CD22: variants seen among roughly 807,000 people sequenced by gnomAD.
The protein encoded by CD22 is CD22 molecule, also known as B-cell receptor CD22.
Under a neutral mutation model 94.7 loss-of-function variants are expected in CD22, and 51 were observed. That is an observed-to-expected ratio of 0.54 (90% CI 0.43 to 0.68). The LOEUF is 0.68. Ranked by LOEUF, CD22 falls within the 30% of genes least tolerant of loss-of-function variation. The pLI, the probability that CD22 is intolerant of heterozygous loss-of-function variation, is 0.00. For missense variants in CD22, 931 were observed against 1,060.4 expected (o/e 0.88, Z 1.69); for synonymous variants, 424 against 422.5 (o/e 1.00, Z -0.04).
chr19:35,335,229 T>C (rs2066703456), intron 3 of CD22, among the ~76,000 whole-genome samples: 1 of 149,122 alleles, frequency 6.7e-6, no homozygotes, highest in African/African-American at 2.4e-5. Context: ...TCAGAGGGGA[T>C]TTCGGGTGAG....
In CD22 at chr19:35,341,952, C is replaced by T. The variant is rs771187502; in HGVS notation, c.2022C>T (p.Thr674=). Residue 674 remains threonine, a synonymous_variant, in exon 9 of 14, where the codon ACC becomes ACT. Coordinates refer to ENST00000085219, the MANE Select transcript of CD22 (RefSeq NM_001771.4). This position sits in a 1 kb window ranked among gnomAD's most constrained non-coding sequence, Gnocchi z 4.0. ...SVGKGRSPLS[T]LTVYYSPETI... is the part of the protein sequence containing the mutation. ...GCAAGGGCCGTTCGCCTCTCAGCAC[C>T]CTCACCGTCTACTGTAAGGCCTCTT... 2 of 1,612,552 alleles carry T rather than the reference C, an allele frequency of 1.2e-6. No individual in the cohort carries two copies. Among genetic ancestry groups the T allele is most frequent in the Admixed American group, 1.7e-5 (1 of 59,908 alleles).
At chr19:35,331,110 A>G (rs778106523) in intron 1 of CD22, 2 of 152,038 alleles carry the variant, frequency 1.3e-5, no homozygotes, top group Non-Finnish European at 2.9e-5. Context: ...TTGAGTAAAG[A>G]TGGGGTTTTG....
In CD22 at chr19:35,337,982, G is replaced by C; in HGVS notation, c.946G>C (p.Gly316Arg). The C allele has an allele frequency of 6.2e-7, 1 of 1,613,866 alleles. No individual in the cohort carries two copies. The highest frequency in any genetic ancestry group is 8.5e-7 in the Non-Finnish European group (1 of 1,179,800). The change falls in exon 5 of 14, where the codon GGC becomes CGC. Residue 316 changes from glycine (G) to arginine (R), a missense_variant. Coordinates refer to ENST00000085219, the MANE Select transcript of CD22 (RefSeq NM_001771.4). This position sits in a 1 kb window ranked among gnomAD's most constrained non-coding sequence, Gnocchi z 4.4. ...CTGCTGTCAGGTCTCCAATGACGTG[G>C]GCCCGGGAAGGTCGGAAGAAGTGTT... ...KYCCQVSNDV[G>R]PGRSEEVFLQ... is the part of the protein sequence containing the mutation.
chr19:35,346,870 C>A lies in CD22; in HGVS notation c.*173C>A, dbSNP rs2145687207. 1 of 688,858 alleles carries A rather than the reference C, an allele frequency of 1.5e-6. No homozygotes were observed. Among genetic ancestry groups the A allele is most frequent in the Non-Finnish European group, 2.3e-6 (1 of 431,088 alleles). 42.7% of individuals were successfully genotyped at this position (688,858 alleles called of 1,614,324 possible). A position where few individuals can be genotyped will look rare whatever the true frequency, so the allele number is the denominator to read the frequency against. On this transcript the variant is annotated 3_prime_UTR_variant, in exon 14 of 14. Transcript: ENST00000085219. ...GGAGAACCTTGTGCCTGGCTCAGAG[C>A]CAGTCTTTTTGGTGAGGGTAACCCC... is the stretch of plus-strand genomic sequence containing the variant.
rs764788428 is a variant in CD22, at chr19:35,341,325, G to C, written c.1508-18G>C. 6.2e-7 allele frequency: 1 copy of C among 1,612,046 alleles called. No homozygotes were observed. Among genetic ancestry groups the C allele is most frequent in the Non-Finnish European group, 8.5e-7 (1 of 1,178,656 alleles). On this transcript the variant is annotated intron_variant, in intron 7 of 13. Coordinates refer to ENST00000085219, the MANE Select transcript of CD22 (RefSeq NM_001771.4). The surrounding 1 kb of genome is among the most constrained non-coding windows in gnomAD (Gnocchi z 4.0). ...GGACAGGGAGCGGAGAGGTCAGCTTGGGACCCTTGCCCTCCAGATGCCCCC... is the reference window on the plus strand; with the variant it reads ...GGACAGGGAGCGGAGAGGTCAGCTTCGGACCCTTGCCCTCCAGATGCCCCC...
intron 2 of CD22, 61 bp from the exon 3 acceptor site, chr19:35,332,486 A>G (rs968239567): frequency 3.4e-6 from 5 of 1,452,168 alleles, no homozygotes; most frequent in Non-Finnish European, 4.6e-6. Flanking sequence ...AAAATAAAAA[A>G]TAACTTTTAA....
rs779822866 is a variant in CD22 at position 35,336,262 on chromosome 19, T to C, written c.639T>C (p.His213=). Residue 213 remains histidine (H), a synonymous_variant, in exon 4 of 14, where the codon CAT becomes CAC. Transcript: ENST00000085219. The part of the protein sequence containing the change: ...ELKFSPQWSH[H]GKIVTCQLQD... ...AGTTCTCCCCACAGTGGAGTCACCA[T>C]GGGAAGATTGTGACCTGCCAGCTTC... 1 of 1,614,208 alleles carries C rather than the reference T, an allele frequency of 6.2e-7. No individual in the cohort carries two copies. The highest frequency in any genetic ancestry group is 8.5e-7 in the Non-Finnish European group (1 of 1,180,026).
chr19:35,331,804 A>G, intron 1 of CD22: 1 of 888,288 alleles, frequency 1.1e-6, no homozygotes, highest in Non-Finnish European at 1.6e-6. Flanking sequence ...CGGAGATCAC[A>G]CCACTGCACT....
rs959266515 is a variant in CD22 at position 35,341,212 on chromosome 19, G to T, written c.1507+74G>T. Reference sequence around the variant, plus strand: ...ATGAGGGGATGAAGGCAACGAGGCCGGAGCCTGGGCCAGTGTCTTCAACAG... The same window carrying T: ...ATGAGGGGATGAAGGCAACGAGGCCTGAGCCTGGGCCAGTGTCTTCAACAG... On this transcript the variant is annotated intron_variant, in intron 7 of 13. Transcript: ENST00000085219. The surrounding 1 kb of genome is among the most constrained non-coding windows in gnomAD (Gnocchi z 4.0). 1.2e-6 allele frequency: 2 copies of T among 1,605,092 alleles called. No individual in the cohort carries two copies. Among genetic ancestry groups the T allele is most frequent in the African/African-American group, 2.7e-5 (2 of 74,814 alleles).
chr19:35,336,585 T>C (rs918796987), intron 4 of CD22: 1 of 522,738 alleles, frequency 1.9e-6, no homozygotes, highest in South Asian at 2.6e-5. Flanking sequence ...GGTCTTTTTG[T>C]TCCCCTCTTG....
chr19:35,333,134 G>T lies in CD22; in HGVS notation c.412+210G>T, dbSNP rs1026590934. ...TGACCCTCAGTTCCTGCCCCTCTGG[G>T]ACCTGGATTCCAAAGTTATCGGATC... On this transcript the variant is annotated intron_variant, in intron 3 of 13. Coordinates refer to ENST00000085219, the MANE Select transcript of CD22 (RefSeq NM_001771.4). 3 of 544,134 alleles carry T rather than the reference G, an allele frequency of 5.5e-6. No individual in the cohort carries two copies. The African/African-American group carries it at 5.6e-5, about 10-fold the overall frequency. 33.7% of individuals were successfully genotyped at this position (544,134 alleles called of 1,614,324 possible).
rs756410103 is a variant in CD22, at chr19:35,344,865, G to T, written c.2072G>T (p.Gly691Val). The T allele has an allele frequency of 3.7e-6, 6 of 1,613,876 alleles. No individual in the cohort carries two copies. Among genetic ancestry groups the T allele is most frequent in the Non-Finnish European group, 4.2e-6 (5 of 1,179,938 alleles). The stretch of plus-strand genomic sequence containing the variant: ...ACCATCGGCAGGCGAGTGGCTGTGG[G>T]ACTCGGGTCCTGCCTCGCCATCCTC... ...PETIGRRVAVGLGSCLAILIL... is the reference protein window; with the variant it reads ...PETIGRRVAVVLGSCLAILIL... The change falls in exon 10 of 14, where the codon GGA (glycine) becomes GTA (valine). Residue 691 changes from glycine to valine, a missense_variant. Physicochemically the swap from Gly to Val is moderately radical, Grantham distance 109 (BLOSUM62 -3). Coordinates refer to ENST00000085219, the MANE Select transcript of CD22 (RefSeq NM_001771.4).
rs2066743961 is a variant in CD22, at chr19:35,337,631, T to G, written c.719-124T>G. 1 of 823,786 alleles carries G rather than the reference T, an allele frequency of 1.2e-6. No homozygotes were observed. Among genetic ancestry groups the G allele is most frequent in the Non-Finnish European group, 1.9e-6 (1 of 536,738 alleles). The allele number at this position is 823,786 out of a possible 1,614,324, so 51.0% of individuals were successfully genotyped here. A position where few individuals can be genotyped will look rare whatever the true frequency, so the allele number is the denominator to read the frequency against. ...GAAGCTGAGAGCCGAGTTAGGAGGC[T>G]GTGACCATCACCTGGGTGAAGGGAC... On this transcript the variant is annotated intron_variant, in intron 4 of 13. Transcript: ENST00000085219. The surrounding 1 kb of genome is among the most constrained non-coding windows in gnomAD (Gnocchi z 4.4).
intron 3 of CD22, 152 bp from the exon 4 acceptor site, chr19:35,335,884 A>G (rs2066716046): frequency 1.5e-6 from 1 of 665,278 alleles, no homozygotes; most frequent in Non-Finnish European, 2.6e-6. Context: ...AACAACAACA[A>G]TAACAACAAA....
Position 35,332,597 on chromosome 19 carries a change from C to G in CD22, c.85C>G (p.Pro29Ala). The change falls in exon 3 of 14, where the codon CCT becomes GCT. Residue 29 changes from proline (P) to alanine (A), a missense_variant. Physicochemically the swap from Pro to Ala is conservative, Grantham distance 27 (BLOSUM62 -1). Coordinates refer to ENST00000085219, the MANE Select transcript of CD22 (RefSeq NM_001771.4). ...SDSSKWVFEH[P>A]ETLYAWEGAC... ...CTCAAGTAAATGGGTTTTTGAGCAC[C>G]CTGAAACCCTCTACGCCTGGGAGGG... is the stretch of plus-strand genomic sequence containing the variant. 2.5e-6 allele frequency: 4 copies of G among 1,613,958 alleles called. No homozygotes were observed. The highest frequency in any genetic ancestry group is 1.1e-5 in the South Asian group (1 of 91,068).
rs192921533 is a variant in CD22, at chr19:35,338,339, T to C, written c.1157T>C (p.Ile386Thr). Residue 386 changes from isoleucine to threonine, a missense_variant, in exon 6 of 14, where the codon ATC (isoleucine) becomes ACC (threonine). Transcript: ENST00000085219. The part of the protein sequence containing the change: ...RTEEKVHIPK[I>T]LPWHAGTYSC... ...GAGGAGAAAGTCCACATCCCAAAGATCCTCCCCTGGCACGCTGGGACTTAT... is the reference window on the plus strand; with the variant it reads ...GAGGAGAAAGTCCACATCCCAAAGACCCTCCCCTGGCACGCTGGGACTTAT... The C allele has an allele frequency of 1.4e-4, 225 of 1,614,152 alleles. 3 individuals carry two copies. In the East Asian group the frequency reaches 4.9e-3, roughly 35 times the overall value.
intron 9 of CD22, among the ~76,000 whole-genome samples, chr19:35,343,699 T>C (rs1435661479): frequency 1.3e-5 from 2 of 151,230 alleles, no homozygotes; most frequent in African/African-American, 2.4e-5. Context: ...CTGGGCAACA[T>C]AGCCCACACC....
chr19:35,344,089 G>A (rs578031938), intron 9 of CD22, among the ~76,000 whole-genome samples: 5 of 152,330 alleles, frequency 3.3e-5, no homozygotes, highest in South Asian at 4.1e-4. Context: ...CCAACTACTC[G>A]GGAGGCTGAG....
At position 35,332,819 on chromosome 19, in the gene CD22, A is replaced by G. The variant is rs1348308530; in HGVS notation, c.307A>G (p.Thr103Ala). The change falls in exon 3 of 14, where the codon ACA becomes GCA. Residue 103 changes from threonine (T) to alanine (A), a missense_variant. By Grantham distance (58) the Thr-to-Ala change is moderately conservative. Transcript: ENST00000085219. Reference sequence around the variant, plus strand: ...CCTGGGAGACAAGAATAAGAACTGCACACTGAGTATCCACCCGGTGCACCT... The same window carrying G: ...CCTGGGAGACAAGAATAAGAACTGCGCACTGAGTATCCACCCGGTGCACCT... ...QFLGDKNKNC[T>A]LSIHPVHLND... is the part of the protein sequence containing the mutation. 6.2e-7 allele frequency: 1 copy of G among 1,614,216 alleles called. No homozygotes were observed. Among genetic ancestry groups the G allele is most frequent in the Admixed American group, 1.7e-5 (1 of 60,026 alleles).
Sources: allele counts gnomAD v4.1 joint callset (sites outside exome capture counted in the v4.1 genomes callset), GRCh38; gene constraint gnomAD v4.1.1; non-coding constraint Gnocchi (gnomAD v3.1); transcripts MANE v1.5; gene names NCBI Gene and HGNC (gene_info 2026-07-23, HGNC 2026-07-21).